The following SLC6A6 variants were observed in gnomAD, a reference collection of about 807,000 sequenced individuals.
The protein encoded by SLC6A6 is sodium- and chloride-dependent taurine transporter.
A neutral mutation model predicts 68.8 loss-of-function variants in SLC6A6; 16 were observed. The ratio of observed to expected loss-of-function variants is 0.23; its 90% CI spans 0.16 to 0.35. SLC6A6 has a LOEUF of 0.35. Ranked by LOEUF, SLC6A6 falls within the 10% of genes least tolerant of loss-of-function variation. The pLI, the probability that SLC6A6 is intolerant of heterozygous loss-of-function variation, is 1.00. For synonymous variants in SLC6A6, 312 were observed against 315.4 expected (o/e 0.99, Z 0.12); for missense variants, 474 against 802.8 (o/e 0.59, Z 4.95).
Position 14,472,793 on chromosome 3 carries a change from G to T in SLC6A6, c.1209+476G>T, listed in dbSNP as rs567192135. ...TGAGCTGATCATTGTCTGGGCCATC[G>T]TAATAAGTTGCAAGTGCCCAGGAGA... On this transcript the variant is annotated intron_variant, in intron 10 of 14. Transcript: ENST00000622186. The surrounding 1 kb of genome is among the most constrained non-coding windows in gnomAD (Gnocchi z 4.5). Among the ~76,000 whole-genome samples, 3 of 152,240 alleles carry T rather than the reference G, an allele frequency of 2.0e-5. No individual in the cohort carries two copies. The highest frequency in any genetic ancestry group is 7.2e-5 in the African/African-American group (3 of 41,466).
chr3:14,442,771 G>A (rs763006699), intron 2 of SLC6A6, among the ~76,000 whole-genome samples: 4 of 152,150 alleles, frequency 2.6e-5, no homozygotes, highest in Non-Finnish European at 5.9e-5. Flanking sequence ...CTTCTCTGGG[G>A]CCTCCCGTTG....
chr3:14,417,797 G>GGACACTGATT (rs1699399086), intron 2 of SLC6A6, among the ~76,000 whole-genome samples: 3 of 151,550 alleles, frequency 2.0e-5, no homozygotes, highest in Non-Finnish European at 4.4e-5. Flanking sequence ...ATCTACCCCA[G>GGACACTGATT]GACACTGATT....
At chr3:14,417,479 C>T (rs1302879582) in intron 2 of SLC6A6, among the ~76,000 whole-genome samples, 1 of 152,094 alleles carries the variant, frequency 6.6e-6, no homozygotes, top group Non-Finnish European at 1.5e-5. Context: ...CGCCTGGGAT[C>T]CCAGCACTTT....
intron 6 of SLC6A6, among the ~76,000 whole-genome samples, chr3:14,458,542 G>T (rs1253457019): frequency 1.3e-5 from 2 of 152,250 alleles, no homozygotes; most frequent in Non-Finnish European, 2.9e-5. Context: ...CTTTGCAGAG[G>T]GGGCCACAAG....
At position 14,447,643 on chromosome 3, in the gene SLC6A6, G is replaced by A; in HGVS notation, c.426G>A (p.Leu142=). The change falls in exon 5 of 15, where the codon CTG becomes CTA. Residue 142 remains leucine, a synonymous_variant. Transcript: ENST00000622186. ...TGAATGTCTACTACATCGTCATCCT[G>A]GCCTGGGCCACATACTACCTGTTCC... ...SLLNVYYIVI[L]AWATYYLFQS... is the part of the protein sequence containing the mutation. 1 of 1,614,246 alleles carries A rather than the reference G, an allele frequency of 6.2e-7. No individual in the cohort carries two copies. The highest frequency in any genetic ancestry group is 8.5e-7 in the Non-Finnish European group (1 of 1,180,038).
intron 1 of SLC6A6, among the ~76,000 whole-genome samples, chr3:14,407,039 T>G (rs1160100376): frequency 1.5e-5 from 2 of 134,104 alleles, no homozygotes; most frequent in Non-Finnish European, 3.3e-5. Context: ...ATCTGTATTT[T>G]TAAAGTTTTT....
At chr3:14,459,566 C>T (rs904414145) in intron 6 of SLC6A6, among the ~76,000 whole-genome samples, 8 of 152,066 alleles carry the variant, frequency 5.3e-5, no homozygotes, top group African/African-American at 1.4e-4. Context: ...GACACCTGCC[C>T]GTGCCCACCA....
At chr3:14,476,213 C>T (rs1700875248) in intron 10 of SLC6A6, among the ~76,000 whole-genome samples, 1 of 152,202 alleles carries the variant, frequency 6.6e-6, no homozygotes, top group South Asian at 2.1e-4. Context: ...TCTTTTAAGA[C>T]TGTGCTACAT....
At position 14,477,684 on chromosome 3, in the gene SLC6A6, G is replaced by A. The variant is rs1700910393; in HGVS notation, c.1347+342G>A. Among the ~76,000 whole-genome samples, 1 of 152,184 alleles carries A rather than the reference G, an allele frequency of 6.6e-6. No individual in the cohort carries two copies. The highest frequency in any genetic ancestry group is 6.5e-5 in the Admixed American group (1 of 15,280). On this transcript the variant is annotated intron_variant, in intron 11 of 14. Transcript: ENST00000622186. The surrounding 1 kb of genome is among the most constrained non-coding windows in gnomAD (Gnocchi z 4.2). ...TTCTCAGGCCTGGGGGTGGGGTGGA[G>A]ACATTCTCAAGGGTAAACGCAGGCC...
chr3:14,479,985 C>G (rs1700971152), intron 13 of SLC6A6, among the ~76,000 whole-genome samples: 1 of 152,166 alleles, frequency 6.6e-6, no homozygotes, highest in South Asian at 2.1e-4. Context: ...GAGACAGGTG[C>G]TGAGGACAAA....
intron 2 of SLC6A6, among the ~76,000 whole-genome samples, chr3:14,442,427 T>C (rs570817615): frequency 1.6e-4 from 24 of 152,340 alleles, no homozygotes; most frequent in African/African-American, 4.6e-4. Context: ...GTTTTCTGTG[T>C]CCCTCTGTTA....
intron 5 of SLC6A6, among the ~76,000 whole-genome samples, chr3:14,452,325 C>T (rs1362278740): frequency 1.3e-5 from 2 of 152,232 alleles, no homozygotes; most frequent in Non-Finnish European, 2.9e-5. Flanking sequence ...CCCAATGACT[C>T]ACAGCCTGGC....
rs1169843079 is a variant in SLC6A6, at chr3:14,486,060, C to A, written c.*1053C>A. ...AACATCTCAGCATCTCTTAAAGTTG[C>A]CTGCAGGAATGAAGCATGACATACC... On this transcript the variant is annotated 3_prime_UTR_variant, in exon 15 of 15. Transcript: ENST00000622186. 6.5e-6 allele frequency: 1 copy of A among 152,672 alleles called. No individual in the cohort carries two copies. The highest frequency in any genetic ancestry group is 1.5e-5 in the Non-Finnish European group (1 of 68,088). 9.5% of individuals were successfully genotyped at this position (152,672 alleles called of 1,614,324 possible). A position where few individuals can be genotyped will look rare whatever the true frequency, so the allele number is the denominator to read the frequency against.
At chr3:14,432,314 A>G (rs2124925709) in intron 2 of SLC6A6, among the ~76,000 whole-genome samples, 1 of 152,288 alleles carries the variant, frequency 6.6e-6, no homozygotes, top group South Asian at 2.1e-4. Flanking sequence ...TTTCAGGCTC[A>G]TGGTCTACCC....
chr3:14,409,537 T>A (rs1699191424), intron 1 of SLC6A6, among the ~76,000 whole-genome samples: 1 of 152,194 alleles, frequency 6.6e-6, no homozygotes, highest in Non-Finnish European at 1.5e-5. Flanking sequence ...CCTCAGCCCA[T>A]CCTCGTCCCA....
At chr3:14,455,486 A>T (rs1219954505) in intron 5 of SLC6A6, among the ~76,000 whole-genome samples, 1 of 152,234 alleles carries the variant, frequency 6.6e-6, no homozygotes, top group Admixed American at 6.5e-5. Flanking sequence ...CAGCATATAA[A>T]GCCCTTGTCC....
chr3:14,451,815 T>A (rs546698409), intron 5 of SLC6A6, among the ~76,000 whole-genome samples: 1 of 152,240 alleles, frequency 6.6e-6, no homozygotes, highest in Admixed American at 6.5e-5. Flanking sequence ...TTCTCTCGAG[T>A]GAATCTTGTC....
intron 3 of SLC6A6, chr3:14,444,641 G>A: frequency 4.7e-6 from 2 of 429,654 alleles, no homozygotes; most frequent in Non-Finnish European, 9.5e-6. Context: ...AAAGGCTTGT[G>A]TGTCAGCAGA....
chr3:14,454,205 G>C (rs1464884430), intron 5 of SLC6A6, among the ~76,000 whole-genome samples: 1 of 152,182 alleles, frequency 6.6e-6, no homozygotes, highest in African/African-American at 2.4e-5. Flanking sequence ...GTTGGGGCAG[G>C]AGTAGAGGGA....
Sources: gnomAD v4.1 joint callset for allele counts (sites outside exome capture counted in the v4.1 genomes callset) on GRCh38, gnomAD v4.1.1 for gene constraint, Gnocchi (gnomAD v3.1) non-coding constraint, MANE v1.5 for transcripts, NCBI Gene and HGNC (gene_info 2026-07-23, HGNC 2026-07-21) for gene names.